The following AGAP3 variants were observed in gnomAD, a reference collection of about 807,000 sequenced individuals.
AGAP3 encodes the protein ArfGAP with GTPase domain, ankyrin repeat and PH domain 3, also known as arf-GAP with GTPase, ANK repeat and PH domain-containing protein 3.
A neutral mutation model predicts 96.9 loss-of-function variants in AGAP3; 24 were observed. The observed-to-expected ratio is 0.25, with a 90% CI of 0.18 to 0.35. The LOEUF is 0.35. AGAP3 is among the 10% of genes least tolerant of loss of function. AGAP3 has a pLI of 1.00. For synonymous variants in AGAP3, 563 were observed against 536.1 expected (o/e 1.05, Z -0.69); for missense variants, 876 against 1,254.2 (o/e 0.70, Z 4.55).
rs373391629 is a variant in AGAP3, at chr7:151,125,240, G to A, written c.1221+1354G>A. On this transcript the variant is annotated intron_variant, in intron 9 of 17. Coordinates refer to ENST00000397238, the MANE Select transcript of AGAP3 (RefSeq NM_031946.7). ...AGTGGGTGTGTAGACACACTTCACC[G>A]AATTCACTACGAAAATGGGACCACT... 2.0e-3 allele frequency among the ~76,000 whole-genome samples: 306 copies of A among 152,340 alleles called. 2 individuals carry two copies. The highest frequency in any genetic ancestry group is 6.8e-3 in the Middle Eastern group (2 of 294).
At chr7:151,122,668 A>T in intron 8 of AGAP3, 2 of 1,606,998 alleles carry the variant, frequency 1.2e-6, no homozygotes, top group Non-Finnish European at 1.7e-6. Flanking sequence ...GTGCTGACCG[A>T]CTTGTGCGGG....
chr7:151,101,723 G>A (rs762126137), intron 1 of AGAP3, among the ~76,000 whole-genome samples: 2 of 152,198 alleles, frequency 1.3e-5, no homozygotes, highest in Admixed American at 6.5e-5. Context: ...GGCATCTGCC[G>A]CAGAGGAGGG....
chr7:151,138,666 T>G (rs1020113858), intron 12 of AGAP3, among the ~76,000 whole-genome samples: 16 of 152,126 alleles, frequency 1.1e-4, no homozygotes, highest in African/African-American at 2.9e-4. Flanking sequence ...GGCTCCCGCA[T>G]CCCCATCAGC....
At position 151,143,301 on chromosome 7, in the gene AGAP3, A is replaced by G. The variant is rs1386262826; in HGVS notation, c.2274-40A>G. On this transcript the variant is annotated intron_variant, in intron 16 of 17. Transcript: ENST00000397238. This position sits in a 1 kb window ranked among gnomAD's most constrained non-coding sequence, Gnocchi z 5.9. ...TCCTGGCCCCACCCGTTGCTCGGTGACCTTCCTTGGCTCATGCCCTGATGG... is the reference window on the plus strand; with the variant it reads ...TCCTGGCCCCACCCGTTGCTCGGTGGCCTTCCTTGGCTCATGCCCTGATGG... 1.3e-6 allele frequency: 2 copies of G among 1,563,410 alleles called. No individual in the cohort carries two copies. Among genetic ancestry groups the G allele is most frequent in the Non-Finnish European group, 1.7e-6 (2 of 1,152,230 alleles).
rs1287116172 is a variant in AGAP3, at chr7:151,096,363, G to A, written c.331+9291G>A. Among the ~76,000 whole-genome samples the A allele has an allele frequency of 6.8e-6, 1 of 147,140 alleles. No homozygotes were observed. The highest frequency in any genetic ancestry group is 2.2e-4 in the South Asian group (1 of 4,572). On this transcript the variant is annotated intron_variant, in intron 1 of 17. Transcript: ENST00000397238. The surrounding 1 kb of genome is among the most constrained non-coding windows in gnomAD (Gnocchi z 4.4). ...GGCAGGGCTGTCACAGGGCCTGCAC[G>A]TTCCCGTGAACACCCAGGGTCATCT...
Position 151,139,577 on chromosome 7 carries a change from G to C in AGAP3, c.1667-402G>C, listed in dbSNP as rs1464090734. Reference sequence around the variant, plus strand: ...AGCGCGCTCTAATTGACAGTAATTAGGCAGCTCCCTGATTGTTTCTAATTC... The same window carrying C: ...AGCGCGCTCTAATTGACAGTAATTACGCAGCTCCCTGATTGTTTCTAATTC... On this transcript the variant is annotated intron_variant, in intron 12 of 17. Transcript: ENST00000397238. This position sits in a 1 kb window ranked among gnomAD's most constrained non-coding sequence, Gnocchi z 4.9. 1 of 159,602 alleles carries C rather than the reference G, an allele frequency of 6.3e-6. No homozygotes were observed. Among genetic ancestry groups the C allele is most frequent in the Non-Finnish European group, 1.4e-5 (1 of 73,324 alleles). The allele number at this position is 159,602 out of a possible 1,614,324, so 9.9% of individuals were successfully genotyped here. A position where few individuals can be genotyped will look rare whatever the true frequency, so the allele number is the denominator to read the frequency against.
At position 151,142,115 on chromosome 7, in the gene AGAP3, C is replaced by T. The variant is rs763803208; in HGVS notation, c.1960-48C>T. On this transcript the variant is annotated intron_variant, in intron 14 of 17. Coordinates refer to ENST00000397238, the MANE Select transcript of AGAP3 (RefSeq NM_031946.7). The surrounding 1 kb of genome is among the most constrained non-coding windows in gnomAD (Gnocchi z 7.5). ...GCTGGGGTGGGACTGAAAGGGGCCT[C>T]ATGACTGACCAACCGCCCCTTGTCT... 24 of 1,609,808 alleles carry T rather than the reference C, an allele frequency of 1.5e-5. No individual in the cohort carries two copies. The highest frequency in any genetic ancestry group is 1.8e-5 in the Non-Finnish European group (21 of 1,177,442).
At position 151,134,404 on chromosome 7, in the gene AGAP3, A is replaced by G. The variant is rs1385902847; in HGVS notation, c.1331A>G (p.Tyr444Cys). ...TCTCTCCCACCCGGCCTGCAGGATT[A>G]CATGCAGAACATCCACGGCAAGGAG... ...LLTYHPSLHD[Y>C]MQNIHGKEID... The change falls in exon 11 of 18, where the codon TAC becomes TGC. Residue 444 changes from tyrosine to cysteine, a missense_variant. Physicochemically the swap from Tyr to Cys is radical, Grantham distance 194. Coordinates refer to ENST00000397238, the MANE Select transcript of AGAP3 (RefSeq NM_031946.7). The G allele has an allele frequency of 1.2e-6, 2 of 1,613,672 alleles. No homozygotes were observed. The highest frequency in any genetic ancestry group is 1.7e-6 in the Non-Finnish European group (2 of 1,179,996).
Position 151,142,253 on chromosome 7 carries a change from A to G in AGAP3, c.2050A>G (p.Asn684Asp), listed in dbSNP as rs1800845583. ...NSFCIDCDAP[N>D]PDWASLNLGA... ...CTTTTGTATCGACTGCGATGCACCC[A>G]GTGAGTGCAAGGCTGGTGGGGCTGG... The change falls in exon 15 of 18, where the codon AAT (asparagine) becomes GAT (aspartate). Residue 684 changes from asparagine to aspartate, a missense_variant and splice_region_variant. Asn to Asp is a conservative substitution (Grantham distance 23). Transcript: ENST00000397238. This position sits in a 1 kb window ranked among gnomAD's most constrained non-coding sequence, Gnocchi z 7.5. The G allele has an allele frequency of 5.0e-6, 8 of 1,612,656 alleles. No individual in the cohort carries two copies. Among genetic ancestry groups the G allele is most frequent in the Non-Finnish European group, 6.8e-6 (8 of 1,179,858 alleles).
At chr7:151,091,672 G>A (rs1420489629) in intron 1 of AGAP3, among the ~76,000 whole-genome samples, 1 of 152,140 alleles carries the variant, frequency 6.6e-6, no homozygotes, top group African/African-American at 2.4e-5. Context: ...TCTTTCTTCC[G>A]GGTCAGAAGC....
Position 151,141,305 on chromosome 7 carries a change from A to G in AGAP3, c.1805-593A>G, listed in dbSNP as rs1162506382. 2 of 160,808 alleles carry G rather than the reference A, an allele frequency of 1.2e-5. No individual in the cohort carries two copies. The highest frequency in any genetic ancestry group is 2.7e-5 in the Non-Finnish European group (2 of 73,618). The allele number at this position is 160,808 out of a possible 1,614,324, so 10.0% of individuals were successfully genotyped here. ...TCAGTACAGATGCCCTCAGGCCCCT[A>G]TTTGCTCACATACTGCAGGTCCTGT... On this transcript the variant is annotated intron_variant, in intron 13 of 17. Transcript: ENST00000397238. This position sits in a 1 kb window ranked among gnomAD's most constrained non-coding sequence, Gnocchi z 4.2.
rs759658529 is a variant in AGAP3 at position 151,143,302 on chromosome 7, C to T, written c.2274-39C>T. 1.9e-6 allele frequency: 3 copies of T among 1,565,506 alleles called. No individual in the cohort carries two copies. The highest frequency in any genetic ancestry group is 2.6e-6 in the Non-Finnish European group (3 of 1,153,238). On this transcript the variant is annotated intron_variant, in intron 16 of 17. Transcript: ENST00000397238. The surrounding 1 kb of genome is among the most constrained non-coding windows in gnomAD (Gnocchi z 5.9). ...CCTGGCCCCACCCGTTGCTCGGTGACCTTCCTTGGCTCATGCCCTGATGGG... is the reference window on the plus strand; with the variant it reads ...CCTGGCCCCACCCGTTGCTCGGTGATCTTCCTTGGCTCATGCCCTGATGGG...
chr7:151,119,114 G>T, intron 7 of AGAP3: 1 of 194,110 alleles, frequency 5.2e-6, no homozygotes, highest in Admixed American at 5.3e-5. Context: ...AAAGGAGGAG[G>T]AGGGCTGTGT....
chr7:151,110,910 T>C (rs550320055), intron 1 of AGAP3, among the ~76,000 whole-genome samples: 5 of 152,014 alleles, frequency 3.3e-5, no homozygotes, highest in African/African-American at 4.8e-5. Context: ...AATGGAGCTG[T>C]TAGGGGTGGA....
In AGAP3 at chr7:151,126,897, C is replaced by T. The variant is rs139789487; in HGVS notation, c.1222-1683C>T. Reference sequence around the variant, plus strand: ...GGGGCCAGGTAGCAGGATGTGTCTGCACATGGCCATGTACTTCAACTCCCA... The same window carrying T: ...GGGGCCAGGTAGCAGGATGTGTCTGTACATGGCCATGTACTTCAACTCCCA... On this transcript the variant is annotated intron_variant, in intron 9 of 17. Coordinates refer to ENST00000397238, the MANE Select transcript of AGAP3 (RefSeq NM_031946.7). Among the ~76,000 whole-genome samples the T allele has an allele frequency of 7.4e-3, 1,124 of 152,350 alleles. 13 individuals carry two copies. Among genetic ancestry groups the T allele is most frequent in the African/African-American group, 0.026 (1,080 of 41,580 alleles).
chr7:151,107,512 T>C lies in AGAP3; in HGVS notation c.332-9281T>C, dbSNP rs529897447. On this transcript the variant is annotated intron_variant, in intron 1 of 17. Coordinates refer to ENST00000397238, the MANE Select transcript of AGAP3 (RefSeq NM_031946.7). ...GAGGTGGCACACCTGTAGTCCCAGCTACTTAGGAGGCTGAGGCGGGAGGAT... is the reference window on the plus strand; with the variant it reads ...GAGGTGGCACACCTGTAGTCCCAGCCACTTAGGAGGCTGAGGCGGGAGGAT... 1.6e-3 allele frequency among the ~76,000 whole-genome samples: 236 copies of C among 151,590 alleles called. 1 individual carries two copies. Among genetic ancestry groups the C allele is most frequent in the African/African-American group, 5.4e-3 (224 of 41,254 alleles).
At chr7:151,120,869 T>C in intron 8 of AGAP3, 1 of 1,140,982 alleles carries the variant, frequency 8.8e-7, no homozygotes, top group South Asian at 1.8e-5. Context: ...GGGCCTGCTG[T>C]CTCTCCACTC....
chr7:151,097,831 A>C (rs1431015515), intron 1 of AGAP3, among the ~76,000 whole-genome samples: 2 of 152,162 alleles, frequency 1.3e-5, no homozygotes, highest in Non-Finnish European at 2.9e-5. Context: ...TTTGGAGGAG[A>C]CACACATCCA....
chr7:151,123,102 G>A (rs1027842492), intron 8 of AGAP3: 1 of 1,146,110 alleles, frequency 8.7e-7, no homozygotes, highest in Non-Finnish European at 1.1e-6. Flanking sequence ...AAGCCCGCCC[G>A]GCCCGGCTGC....
Sources: allele counts gnomAD v4.1 joint callset (sites outside exome capture counted in the v4.1 genomes callset), GRCh38; gene constraint gnomAD v4.1.1; non-coding constraint Gnocchi (gnomAD v3.1); transcripts MANE v1.5; gene names NCBI Gene and HGNC (gene_info 2026-07-23, HGNC 2026-07-21).